LIMCH1: variants seen among roughly 807,000 people sequenced by gnomAD.
LIMCH1 encodes the protein LIM and calponin homology domains-containing protein 1.
A neutral mutation model predicts 176.5 loss-of-function variants in LIMCH1; 113 were observed. The ratio of observed to expected loss-of-function variants is 0.64; its 90% CI spans 0.55 to 0.75. LIMCH1 has a LOEUF of 0.75. Ranked by LOEUF, LIMCH1 falls within the 30% of genes least tolerant of loss-of-function variation. The pLI is 0.00. For synonymous variants in LIMCH1, 619 were observed against 645.9 expected (o/e 0.96, Z 0.63); for missense variants, 1,674 against 1,814.9 (o/e 0.92, Z 1.41).
rs1487889739 is a variant in LIMCH1 at position 41,633,625 on chromosome 4, G to C, written c.1907G>C (p.Ser636Thr). Residue 636 changes from serine (S) to threonine (T), a missense_variant, in exon 13 of 32, where the codon AGT becomes ACT. This residue lies in a region of LIMCH1 where 1,015 missense variants were observed against 1,102.5 expected (regional missense o/e 0.92). Transcript: ENST00000503057. ...GAGAAGATGACAGCTCCTGCCTGGA[G>C]TGGCAGTGGACTGAAAGGCCAGCGA... ...KLEKMTAPAW[S>T]GSGLKGQRKL... is the part of the protein sequence containing the mutation. 1 of 1,536,188 alleles carries C rather than the reference G, an allele frequency of 6.5e-7. No homozygotes were observed. The highest frequency in any genetic ancestry group is 2.0e-5 in the Admixed American group (1 of 51,008).
intron 2 of LIMCH1, among the ~76,000 whole-genome samples, chr4:41,507,055 C>G (rs900003876): frequency 2.0e-5 from 3 of 152,110 alleles, no homozygotes; most frequent in Non-Finnish European, 2.9e-5. Context: ...GAATGGCTCA[C>G]AGAACTCCGG....
At chr4:41,396,114 T>G (rs2057777676) in intron 1 of LIMCH1, among the ~76,000 whole-genome samples, 1 of 151,804 alleles carries the variant, frequency 6.6e-6, no homozygotes, top group South Asian at 2.1e-4. Flanking sequence ...GAAGTCAGAG[T>G]GTTTGTGGGG....
At chr4:41,405,729 T>G (rs116209667) in intron 1 of LIMCH1, among the ~76,000 whole-genome samples, 1,722 of 152,054 alleles carry the variant, frequency 0.011, 41 homozygotes, top group African/African-American at 0.039. Context: ...ATTATATGAA[T>G]GTATCAAATT....
intron 1 of LIMCH1, among the ~76,000 whole-genome samples, chr4:41,398,271 CATAT>C (rs777612716): frequency 2.7e-5 from 4 of 150,600 alleles, no homozygotes; most frequent in South Asian, 2.1e-4. Context: ...AGGTTAGTTA[CATAT>C]ATATACATGT....
chr4:41,692,416 C>CTCGGTCATCAT, intron 31 of LIMCH1, 32 bp downstream of exon 31: 2 of 1,338,964 alleles, frequency 1.5e-6, no homozygotes, highest in Non-Finnish European at 2.2e-6. Context: ...TCATGATGAC[C>CTCGGTCATCAT]GAGTGTAATC....
intron 2 of LIMCH1, among the ~76,000 whole-genome samples, chr4:41,502,628 G>A (rs1045198086): frequency 6.6e-6 from 1 of 151,982 alleles, no homozygotes; most frequent in African/African-American, 2.4e-5. Context: ...ATCTCATTGT[G>A]GTTTTGATTT....
rs1471575040 is a variant in LIMCH1, at chr4:41,609,609, G to A, written c.9+3605G>A. The stretch of plus-strand genomic sequence containing the variant: ...TCAGAAACTGTTAAGTCATCCACCA[G>A]TCCTAGCTGGTTCTTGTTATGTCTG... On this transcript the variant is annotated intron_variant, in intron 4 of 31. Coordinates refer to ENST00000503057, the MANE Select transcript of LIMCH1 (RefSeq NM_001330672.2). 5 of 455,390 alleles carry A rather than the reference G, an allele frequency of 1.1e-5. No homozygotes were observed. In the East Asian group the frequency reaches 3.5e-4, roughly 32 times the overall value. The allele number at this position is 455,390 out of a possible 1,614,324, so 28.2% of individuals were successfully genotyped here.
At chr4:41,410,500 T>C (rs530952052) in intron 1 of LIMCH1, among the ~76,000 whole-genome samples, 1 of 152,316 alleles carries the variant, frequency 6.6e-6, no homozygotes, top group Admixed American at 6.5e-5. Context: ...CAATGGTCCT[T>C]CTTTGCTCTC....
At chr4:41,446,229 A>C (rs1242095998) in intron 1 of LIMCH1, among the ~76,000 whole-genome samples, 4 of 151,968 alleles carry the variant, frequency 2.6e-5, no homozygotes, top group Admixed American at 2.6e-4. Context: ...GGCCTGTGAG[A>C]TTTGGGTGGC....
At chr4:41,504,351 C>A (rs1226438710) in intron 2 of LIMCH1, among the ~76,000 whole-genome samples, 1 of 152,210 alleles carries the variant, frequency 6.6e-6, no homozygotes, top group East Asian at 1.9e-4. Context: ...TCAATGGGAT[C>A]CCTGTGGAGC....
intron 28 of LIMCH1, among the ~76,000 whole-genome samples, 193 bp from the exon 29 acceptor site, chr4:41,687,647 C>T (rs1470174648): frequency 6.6e-6 from 1 of 151,350 alleles, no homozygotes; most frequent in African/African-American, 2.4e-5. Flanking sequence ...AATACATGTA[C>T]AATTCTTGCT....
At chr4:41,571,294 T>C (rs1584283755) in intron 1 of LIMCH1, among the ~76,000 whole-genome samples, 1 of 151,898 alleles carries the variant, frequency 6.6e-6, no homozygotes. Flanking sequence ...AAGTGTGAAG[T>C]CTTGGAAGTT....
chr4:41,442,230 G>A (rs1035635544), intron 1 of LIMCH1, among the ~76,000 whole-genome samples: 2 of 152,114 alleles, frequency 1.3e-5, no homozygotes, highest in African/African-American at 4.8e-5. Flanking sequence ...AGCCTGGGAG[G>A]TTGAGGCTGC....
chr4:41,396,898 A>C (rs74924722), intron 1 of LIMCH1, among the ~76,000 whole-genome samples: 6 of 146,404 alleles, frequency 4.1e-5, no homozygotes, highest in Non-Finnish European at 7.5e-5. Flanking sequence ...AGACTGTCTC[A>C]AAAAAAAAAA....
intron 1 of LIMCH1, among the ~76,000 whole-genome samples, chr4:41,428,487 A>C (rs2061316959): frequency 6.6e-6 from 1 of 152,128 alleles, no homozygotes; most frequent in South Asian, 2.1e-4. Context: ...TCAAATGAGA[A>C]GAGCTGATAG....
intron 1 of LIMCH1, among the ~76,000 whole-genome samples, chr4:41,391,432 C>T (rs1378816164): frequency 6.6e-6 from 1 of 152,132 alleles, no homozygotes; most frequent in Admixed American, 6.5e-5. Context: ...ATAGAACAAA[C>T]ATTGTGTGTA....
intron 1 of LIMCH1, among the ~76,000 whole-genome samples, chr4:41,403,751 C>T (rs2058698122): frequency 6.6e-6 from 1 of 152,210 alleles, no homozygotes; most frequent in South Asian, 2.1e-4. Context: ...TAGCAAGCCT[C>T]ATTAATCTCA....
intron 1 of LIMCH1, among the ~76,000 whole-genome samples, chr4:41,412,639 T>C (rs2059594136): frequency 6.6e-6 from 1 of 152,214 alleles, no homozygotes; most frequent in Non-Finnish European, 1.5e-5. Flanking sequence ...TATATTCTAA[T>C]ACCATCATGT....
In LIMCH1 at chr4:41,697,224, A is replaced by T. The variant is rs763759852; in HGVS notation, c.*39A>T. The T allele has an allele frequency of 5.0e-6, 8 of 1,602,716 alleles. No homozygotes were observed. In the Admixed American group the frequency reaches 1.3e-4, roughly 27 times the overall value. On this transcript the variant is annotated 3_prime_UTR_variant, in exon 32 of 32. Transcript: ENST00000503057. ...CTTCCGGATCACTCACCATTTCTTT[A>T]CTGAGAGTGTCCCCTGGCAACTGCT...
Sources: allele counts gnomAD v4.1 joint callset (sites outside exome capture counted in the v4.1 genomes callset), GRCh38; gene constraint gnomAD v4.1.1; regional missense constraint gnomAD v4.1.1; transcripts MANE v1.5; gene names NCBI Gene and HGNC (gene_info 2026-07-23, HGNC 2026-07-21).